PRPF39: variants seen among roughly 807,000 people sequenced by gnomAD.
The protein encoded by PRPF39 is pre-mRNA-processing factor 39.
Under a neutral mutation model 82.1 loss-of-function variants are expected in PRPF39, and 27 were observed. That is an observed-to-expected ratio of 0.33 (90% CI 0.24 to 0.45). PRPF39 has a LOEUF of 0.45. Ranked by LOEUF, PRPF39 falls within the 20% of genes least tolerant of loss-of-function variation. The pLI is 1.00. For synonymous variants in PRPF39, 261 were observed against 256.4 expected, an observed-to-expected ratio of 1.02 and a Z score of -0.17; for missense variants, 581 against 796.9, an observed-to-expected ratio of 0.73 and a Z score of 3.26.
In PRPF39 at chr14:45,093,559, C is replaced by CTT. The variant is rs112983627; in HGVS notation, c.-19-1650_-19-1649dup. On this transcript the variant is annotated intron_variant, in intron 1 of 13. Coordinates refer to ENST00000355765, the MANE Select transcript of PRPF39 (RefSeq NM_017922.4). The stretch of plus-strand genomic sequence containing the variant: ...TTTATTAAAGCAGTCTTTTTCTTTT[C>CTT]TTTTTTTTTTTTTGAGACGGAGTTT... 1.3e-3 allele frequency among the ~76,000 whole-genome samples: 153 copies of CTT among 120,260 alleles called. 1 individual carries two copies. The highest frequency in any genetic ancestry group is 4.2e-3 in the African/African-American group (138 of 32,950). 78.9% of individuals were successfully genotyped at this position (120,260 alleles called of 152,430 possible).
chr14:45,099,545 C>T lies in PRPF39; in HGVS notation c.569+2540C>T, dbSNP rs192169914. 3.5e-3 allele frequency among the ~76,000 whole-genome samples: 525 copies of T among 152,060 alleles called. 8 individuals carry two copies. The highest frequency in any genetic ancestry group is 0.012 in the African/African-American group (504 of 41,494). On this transcript the variant is annotated intron_variant, in intron 4 of 13. Transcript: ENST00000355765. ...CTGCAAGCTCCACCTCCTGGGTTCACGCCATTCTTCTGCACCAGCCTCCTG... is the reference window on the plus strand; with the variant it reads ...CTGCAAGCTCCACCTCCTGGGTTCATGCCATTCTTCTGCACCAGCCTCCTG...
intron 4 of PRPF39, among the ~76,000 whole-genome samples, chr14:45,100,877 T>C (rs1448950584): frequency 6.6e-6 from 1 of 152,206 alleles, no homozygotes; most frequent in Non-Finnish European, 1.5e-5. Flanking sequence ...ACCAAAAATA[T>C]ATAAATCCTG....
Position 45,102,570 on chromosome 14 carries a change from G to A in PRPF39, c.611G>A (p.Arg204His), listed in dbSNP as rs754504001. 1.2e-5 allele frequency: 20 copies of A among 1,611,228 alleles called. No individual in the cohort carries two copies. The highest frequency in any genetic ancestry group is 4.0e-5 in the African/African-American group (3 of 74,830). Residue 204 changes from arginine (R) to histidine (H), a missense_variant, in exon 5 of 14, where the codon CGT becomes CAT. Transcript: ENST00000355765. ...GTTCTAGCTGCAGGAACAGATTTCCGTTCTGACAGACTGTGGGAAATGTAT... is the reference window on the plus strand; with the variant it reads ...GTTCTAGCTGCAGGAACAGATTTCCATTCTGACAGACTGTGGGAAATGTAT... ...HAVLAAGTDF[R>H]SDRLWEMYIN...
rs2139026763 is a variant in PRPF39, at chr14:45,084,158, T to C, written c.-111T>C. On this transcript the variant is annotated 5_prime_UTR_variant, in exon 1 of 14. Transcript: ENST00000355765. ...GCCGTGGCGCGGGTGGCGGCTGCTGTGCTGGCTGTGGGGACGGAGGCGGTG... is the reference window on the plus strand; with the variant it reads ...GCCGTGGCGCGGGTGGCGGCTGCTGCGCTGGCTGTGGGGACGGAGGCGGTG... 1 of 153,848 alleles carries C rather than the reference T, an allele frequency of 6.5e-6. No individual in the cohort carries two copies. The highest frequency in any genetic ancestry group is 2.4e-5 in the African/African-American group (1 of 41,620). The allele number at this position is 153,848 out of a possible 1,614,324, so 9.5% of individuals were successfully genotyped here.
intron 4 of PRPF39, among the ~76,000 whole-genome samples, chr14:45,099,542 T>G (rs1246039738): frequency 6.6e-6 from 1 of 152,088 alleles, no homozygotes; most frequent in Non-Finnish European, 1.5e-5. Context: ...CCTCCTGGGT[T>G]CACGCCATTC....
chr14:45,113,519 GTATT>G (rs770787326), intron 11 of PRPF39, among the ~76,000 whole-genome samples: 68 of 152,256 alleles, frequency 4.5e-4, no homozygotes, highest in Non-Finnish European at 7.9e-4. Flanking sequence ...TGTGTGCTGT[GTATT>G]TAGTGTCTTA....
intron 11 of PRPF39, 110 bp from the exon 12 acceptor site, chr14:45,114,073 G>A (rs558462967): frequency 6.9e-6 from 5 of 723,334 alleles, no homozygotes; most frequent in Admixed American, 3.4e-5. Flanking sequence ...AAAAATAAAG[G>A]AGCCGCTTAG....
intron 12 of PRPF39, 87 bp downstream of exon 12, chr14:45,114,344 T>G: frequency 7.3e-7 from 1 of 1,374,718 alleles, no homozygotes; most frequent in East Asian, 2.3e-5. Flanking sequence ...TACTTTTATG[T>G]TGTAATTTAC....
intron 4 of PRPF39, 57 bp from the exon 5 acceptor site, chr14:45,102,472 T>G: frequency 7.3e-7 from 1 of 1,376,926 alleles, no homozygotes; most frequent in Non-Finnish European, 9.7e-7. Context: ...TTAGAAATAA[T>G]ATTTTAAAAG....
chr14:45,086,106 A>G (rs1883820716), intron 1 of PRPF39, among the ~76,000 whole-genome samples: 1 of 151,924 alleles, frequency 6.6e-6, no homozygotes, highest in Admixed American at 6.6e-5. Context: ...ACCACGCCTA[A>G]TTTTTTGTAT....
intron 4 of PRPF39, among the ~76,000 whole-genome samples, chr14:45,099,908 CT>C (rs1432546917): frequency 1.3e-5 from 2 of 152,068 alleles, no homozygotes; most frequent in African/African-American, 4.8e-5. Flanking sequence ...TCAAATTTTT[CT>C]GTTTACCCAT....
chr14:45,084,515 G>A (rs1811482645), intron 1 of PRPF39, among the ~76,000 whole-genome samples: 1 of 152,114 alleles, frequency 6.6e-6, no homozygotes, highest in Admixed American at 6.5e-5. Flanking sequence ...GGCCTCCTTC[G>A]CCTGGATTTA....
At chr14:45,089,159 A>G (rs747921309) in intron 1 of PRPF39, among the ~76,000 whole-genome samples, 5 of 152,222 alleles carry the variant, frequency 3.3e-5, no homozygotes, top group African/African-American at 4.8e-5. Flanking sequence ...GCATTATCCA[A>G]GAGTTCACTG....
chr14:45,106,706 G>T (rs1462231565), intron 5 of PRPF39, among the ~76,000 whole-genome samples: 1 of 152,092 alleles, frequency 6.6e-6, no homozygotes, highest in Non-Finnish European at 1.5e-5. Flanking sequence ...CTTATTTCAA[G>T]CTGTATGAAT....
chr14:45,094,298 G>A (rs1013115463), intron 1 of PRPF39, among the ~76,000 whole-genome samples: 1 of 152,074 alleles, frequency 6.6e-6, no homozygotes, highest in African/African-American at 2.4e-5. Context: ...ATATAATGTG[G>A]TATTACCTTA....
intron 13 of PRPF39, 81 bp from the exon 14 acceptor site, chr14:45,114,776 C>A: frequency 7.1e-7 from 1 of 1,402,018 alleles, no homozygotes; most frequent in Non-Finnish European, 9.9e-7. Context: ...TTTTCTTAAA[C>A]ATAGCTGCTT....
intron 4 of PRPF39, among the ~76,000 whole-genome samples, chr14:45,098,960 G>C (rs1884287717): frequency 1.3e-5 from 2 of 152,122 alleles, no homozygotes; most frequent in South Asian, 4.1e-4. Flanking sequence ...ATTTGGAGTT[G>C]AAAATTATTT....
At chr14:45,099,852 A>C (rs1169133674) in intron 4 of PRPF39, among the ~76,000 whole-genome samples, 1 of 152,112 alleles carries the variant, frequency 6.6e-6, no homozygotes, top group Non-Finnish European at 1.5e-5. Flanking sequence ...CTTTGATGAT[A>C]CTAAGGATAG....
intron 5 of PRPF39, among the ~76,000 whole-genome samples, chr14:45,104,713 T>C (rs932299757): frequency 6.6e-6 from 1 of 152,228 alleles, no homozygotes; most frequent in Non-Finnish European, 1.5e-5. Context: ...TAATGTCTAA[T>C]TTAAATCCTT....
Sources: gnomAD v4.1 joint callset for allele counts (sites outside exome capture counted in the v4.1 genomes callset) on GRCh38, gnomAD v4.1.1 for gene constraint, MANE v1.5 for transcripts, NCBI Gene and HGNC (gene_info 2026-07-23, HGNC 2026-07-21) for gene names.